PARD3B: variants seen among roughly 807,000 people sequenced by gnomAD.
PARD3B encodes the protein par-3 family cell polarity regulator beta, also known as partitioning defective 3 homolog B.
A neutral mutation model predicts 130.2 loss-of-function variants in PARD3B; 103 were observed. The observed-to-expected ratio is 0.79, with a 90% CI of 0.67 to 0.93. The LOEUF is 0.93. PARD3B is among the 40% of genes least tolerant of loss of function. The pLI is 0.00. For missense variants in PARD3B, 1,609 were observed against 1,499.2 expected (o/e 1.07, Z -1.21); for synonymous variants, 583 against 553.2 (o/e 1.05, Z -0.76).
intron 2 of PARD3B, among the ~76,000 whole-genome samples, chr2:204,779,446 G>A (rs914510720): frequency 5.3e-5 from 8 of 152,158 alleles, no homozygotes; most frequent in Non-Finnish European, 7.3e-5. Context: ...TAGCCATCAC[G>A]TATGTGTCTT....
intron 10 of PARD3B, among the ~76,000 whole-genome samples, chr2:205,154,875 T>C (rs565903297): frequency 1.3e-5 from 2 of 152,082 alleles, no homozygotes; most frequent in African/African-American, 4.8e-5. Context: ...GGTGGGGAAC[T>C]TCACACCCAG....
intron 10 of PARD3B, among the ~76,000 whole-genome samples, chr2:205,154,084 G>T (rs2033947116): frequency 1.3e-5 from 2 of 152,072 alleles, no homozygotes; most frequent in African/African-American, 4.8e-5. Flanking sequence ...CACAGCAAAA[G>T]AAACTACCAT....
chr2:204,980,237 A>T (rs933515154), intron 3 of PARD3B, among the ~76,000 whole-genome samples: 4 of 152,190 alleles, frequency 2.6e-5, no homozygotes, highest in Admixed American at 2.6e-4. Flanking sequence ...CGTGACAGAA[A>T]AGCACATTAA....
At chr2:204,707,050 A>G in intron 2 of PARD3B, among the ~76,000 whole-genome samples, 1 of 152,172 alleles carries the variant, frequency 6.6e-6, no homozygotes, top group East Asian at 1.9e-4. Context: ...TTAAGATTTG[A>G]AAAGTAGCAG....
chr2:205,153,020 G>T (rs2033867062), intron 10 of PARD3B, among the ~76,000 whole-genome samples: 1 of 152,204 alleles, frequency 6.6e-6, no homozygotes, highest in Non-Finnish European at 1.5e-5. Context: ...AGGACGCTCA[G>T]CTGCAGGTCT....
At chr2:205,026,086 A>G (rs1183911867) in intron 3 of PARD3B, among the ~76,000 whole-genome samples, 1 of 152,236 alleles carries the variant, frequency 6.6e-6, no homozygotes, top group African/African-American at 2.4e-5. Flanking sequence ...TAGAAGTTAT[A>G]CATGTAAACA....
At chr2:204,626,510 A>G (rs1195824801) in intron 1 of PARD3B, among the ~76,000 whole-genome samples, 1 of 152,094 alleles carries the variant, frequency 6.6e-6, no homozygotes, top group Admixed American at 6.6e-5. Flanking sequence ...ATTATACATT[A>G]TTTGAATACA....
At chr2:204,917,545 A>T (rs567856300) in intron 2 of PARD3B, among the ~76,000 whole-genome samples, 1 of 152,338 alleles carries the variant, frequency 6.6e-6, no homozygotes, top group South Asian at 2.1e-4. Flanking sequence ...GGTGAATGCT[A>T]TCAGGAGTTT....
intron 1 of PARD3B, 136 bp downstream of exon 1, chr2:204,546,255 T>A: frequency 7.9e-7 from 1 of 1,269,376 alleles, no homozygotes; most frequent in Non-Finnish European, 1.1e-6. Context: ...TGTTGTCTAT[T>A]GCTAATATCA....
intron 1 of PARD3B, among the ~76,000 whole-genome samples, chr2:204,579,808 A>G (rs1306397840): frequency 1.3e-5 from 2 of 152,208 alleles, no homozygotes; most frequent in African/African-American, 2.4e-5. Context: ...CTTGGCTACA[A>G]TAGCTTAGAT....
intron 22 of PARD3B, among the ~76,000 whole-genome samples, chr2:205,582,838 A>AG (rs954068838): frequency 6.6e-6 from 1 of 151,928 alleles, no homozygotes; most frequent in Non-Finnish European, 1.5e-5. Flanking sequence ...GATGCAGGTG[A>AG]GGGAAAAAAA....
chr2:204,969,727 C>T (rs942341853), intron 3 of PARD3B, among the ~76,000 whole-genome samples: 18 of 152,190 alleles, frequency 1.2e-4, no homozygotes, highest in South Asian at 4.1e-4. Context: ...ATTTTAGGTA[C>T]TATATGTGAT....
rs1362568332 is a variant in PARD3B at position 205,458,046 on chromosome 2, T to C, written c.3044+17374T>C. Among the ~76,000 whole-genome samples the C allele has an allele frequency of 6.6e-6, 1 of 152,180 alleles. No individual in the cohort carries two copies. The highest frequency in any genetic ancestry group is 2.4e-5 in the African/African-American group (1 of 41,456). ...GGGATACTCAACCTGTAATGTATCA[T>C]TTTTCTTTGACTGCCTTAAATTTTT... On this transcript the variant is annotated intron_variant, in intron 20 of 22. Transcript: ENST00000406610. This position sits in a 1 kb window ranked among gnomAD's most constrained non-coding sequence, Gnocchi z 4.8.
intron 2 of PARD3B, among the ~76,000 whole-genome samples, chr2:204,922,365 A>G (rs1448500232): frequency 1.3e-5 from 2 of 152,136 alleles, no homozygotes; most frequent in African/African-American, 4.8e-5. Flanking sequence ...AAAGGGAAGG[A>G]TTGTGGAAGC....
chr2:205,455,640 CATAGTT>C (rs1161473062), intron 20 of PARD3B, among the ~76,000 whole-genome samples: 1 of 151,462 alleles, frequency 6.6e-6, no homozygotes, highest in Non-Finnish European at 1.5e-5. Flanking sequence ...ATTATATAGT[CATAGTT>C]ATATATAGTT....
At chr2:204,726,709 A>C (rs1286958594) in intron 2 of PARD3B, among the ~76,000 whole-genome samples, 1 of 152,130 alleles carries the variant, frequency 6.6e-6, no homozygotes, top group Non-Finnish European at 1.5e-5. Context: ...TCTCCTACCC[A>C]AGGCTAATTT....
chr2:205,572,349 C>G lies in PARD3B; in HGVS notation c.3260+18946C>G, dbSNP rs906204025. ...ATACAACACGCTAGGGACTTTGACT[C>G]TACCCAGAAGGCCTCAGGCCCTTGA... On this transcript the variant is annotated intron_variant, in intron 22 of 22. Coordinates refer to ENST00000406610, the MANE Select transcript of PARD3B (RefSeq NM_001302769.2). This position sits in a 1 kb window ranked among gnomAD's most constrained non-coding sequence, Gnocchi z 4.2. Among the ~76,000 whole-genome samples, 10 of 152,214 alleles carry G rather than the reference C, an allele frequency of 6.6e-5. No homozygotes were observed. The highest frequency in any genetic ancestry group is 2.2e-4 in the African/African-American group (9 of 41,458).
At chr2:205,218,502 A>C (rs1040525666) in intron 15 of PARD3B, among the ~76,000 whole-genome samples, 1 of 152,208 alleles carries the variant, frequency 6.6e-6, no homozygotes, top group African/African-American at 2.4e-5. Flanking sequence ...TGGTTTTTTT[A>C]CAACTCAAAA....
At chr2:205,049,852 A>G (rs1251956406) in intron 4 of PARD3B, among the ~76,000 whole-genome samples, 1 of 152,176 alleles carries the variant, frequency 6.6e-6, no homozygotes, top group African/African-American at 2.4e-5. Flanking sequence ...AAGGAAACAC[A>G]TGTTTCTTCC....
Sources: allele counts gnomAD v4.1 joint callset (sites outside exome capture counted in the v4.1 genomes callset), GRCh38; gene constraint gnomAD v4.1.1; non-coding constraint Gnocchi (gnomAD v3.1); transcripts MANE v1.5; gene names NCBI Gene and HGNC (gene_info 2026-07-23, HGNC 2026-07-21).